ZNF892: variants seen among roughly 807,000 people sequenced by gnomAD.
The protein encoded by ZNF892 is zinc finger protein 892, also known as zinc finger protein 570-like.
At chr2:95,224,293 A>G in the ZNF892 span, among the ~76,000 whole-genome samples, 4 of 152,250 alleles carry the variant, frequency 2.6e-5, no homozygotes, top group Non-Finnish European at 5.9e-5. Context: ...GACATTTCAT[A>G]TAAATGGAAT....
chr2:95,216,677 T>A, the ZNF892 span, among the ~76,000 whole-genome samples: 1 of 152,222 alleles, frequency 6.6e-6, no homozygotes, highest in African/African-American at 2.4e-5. Flanking sequence ...GAGTGCAGTG[T>A]TTTTAATTTT....
At chr2:95,255,949 C>T in the ZNF892 span, among the ~76,000 whole-genome samples, 1 of 152,154 alleles carries the variant, frequency 6.6e-6, no homozygotes, top group East Asian at 1.9e-4. Context: ...TTCCTCCATC[C>T]CTTTATTTTG....
the ZNF892 span, among the ~76,000 whole-genome samples, chr2:95,218,420 A>T: frequency 6.6e-6 from 1 of 152,208 alleles, no homozygotes; most frequent in East Asian, 1.9e-4. Flanking sequence ...AACAGTTCAG[A>T]GAAGTTCTTT....
chr2:95,245,392 GC>G, the ZNF892 span, among the ~76,000 whole-genome samples: 1 of 135,704 alleles, frequency 7.4e-6, no homozygotes, highest in Admixed American at 7.8e-5. Flanking sequence ...GACTACAGGC[GC>G]CCACCACCAC....
At chr2:95,212,560 A>ATTAAC in the ZNF892 span, among the ~76,000 whole-genome samples, 11 of 152,246 alleles carry the variant, frequency 7.2e-5, no homozygotes, top group Non-Finnish European at 1.6e-4. Context: ...GCTTGGGTTC[A>ATTAAC]AGGCTCTAAA....
chr2:95,221,773 C>T, the ZNF892 span, among the ~76,000 whole-genome samples: 2 of 152,100 alleles, frequency 1.3e-5, no homozygotes, highest in Non-Finnish European at 2.9e-5. Flanking sequence ...AAATAACTGA[C>T]TTTTTGAACT....
At chr2:95,224,167 A>G in the ZNF892 span, among the ~76,000 whole-genome samples, 2 of 152,192 alleles carry the variant, frequency 1.3e-5, no homozygotes, top group African/African-American at 4.8e-5. Context: ...TACTCAGTCT[A>G]TGGTGCATTT....
At chr2:95,210,165 ATG>A in the ZNF892 span, among the ~76,000 whole-genome samples, 1 of 148,986 alleles carries the variant, frequency 6.7e-6, no homozygotes, top group Non-Finnish European at 1.5e-5. Context: ...ATGTGTATAT[ATG>A]TATATATGTG....
the ZNF892 span, among the ~76,000 whole-genome samples, chr2:95,261,178 G>C: frequency 6.6e-6 from 1 of 152,182 alleles, no homozygotes; most frequent in Non-Finnish European, 1.5e-5. Context: ...AGCCCAGAGA[G>C]ATTCCCCACC....
At chr2:95,210,051 AAATT>A in the ZNF892 span, among the ~76,000 whole-genome samples, 7 of 151,964 alleles carry the variant, frequency 4.6e-5, no homozygotes, top group East Asian at 7.7e-4. Context: ...AATATAAACA[AAATT>A]AACCGTTCGA....
the ZNF892 span, among the ~76,000 whole-genome samples, chr2:95,252,103 A>G: frequency 6.6e-6 from 1 of 152,066 alleles, no homozygotes; most frequent in Admixed American, 6.6e-5. Flanking sequence ...TTTTTATTAT[A>G]CTTTAAGTTT....
chr2:95,254,249 C>T, the ZNF892 span, among the ~76,000 whole-genome samples: 16 of 152,176 alleles, frequency 1.1e-4, no homozygotes, highest in Admixed American at 6.5e-4. Flanking sequence ...TTTTGAGATA[C>T]GTCCCATCAA....
the ZNF892 span, among the ~76,000 whole-genome samples, chr2:95,224,165 C>T: frequency 6.6e-6 from 1 of 152,190 alleles, no homozygotes. Flanking sequence ...GCTACTCAGT[C>T]TATGGTGCAT....
At chr2:95,214,290 T>C in the ZNF892 span, 2 of 398,236 alleles carry the variant, frequency 5.0e-6, no homozygotes, top group Non-Finnish European at 8.9e-6. Context: ...GTTATTTTTC[T>C]CTCAGTGTAG....
At chr2:95,233,022 C>G in the ZNF892 span, among the ~76,000 whole-genome samples, 3 of 152,210 alleles carry the variant, frequency 2.0e-5, no homozygotes, top group East Asian at 5.8e-4. Flanking sequence ...CTGTTTCCTG[C>G]CTGATTGGTT....
chr2:95,218,885 T>A, the ZNF892 span, among the ~76,000 whole-genome samples: 2 of 152,196 alleles, frequency 1.3e-5, no homozygotes, highest in Non-Finnish European at 2.9e-5. Flanking sequence ...CTTAATTACT[T>A]CCTCAGAACC....
At chr2:95,262,675 G>A in the ZNF892 span, among the ~76,000 whole-genome samples, 4 of 152,340 alleles carry the variant, frequency 2.6e-5, no homozygotes, top group African/African-American at 9.6e-5. Flanking sequence ...AGAAGGAGCA[G>A]GGGTTGTTGA....
the ZNF892 span, chr2:95,208,629 C>T: frequency 2.5e-5 from 10 of 398,480 alleles, no homozygotes; most frequent in Non-Finnish European, 4.0e-5. Flanking sequence ...ATCATCATGG[C>T]TCCTGTCTCC....
chr2:95,239,548 T>A, the ZNF892 span, among the ~76,000 whole-genome samples: 1 of 152,120 alleles, frequency 6.6e-6, no homozygotes, highest in African/African-American at 2.4e-5. Flanking sequence ...CCGACCTGAT[T>A]AGTCAGCAGC....
Sources: allele counts gnomAD v4.1 joint callset (sites outside exome capture counted in the v4.1 genomes callset), GRCh38; gene constraint gnomAD v4.1.1; transcripts MANE v1.5; gene names NCBI Gene and HGNC (gene_info 2026-07-23, HGNC 2026-07-21).